ADGRL3: variants seen among roughly 807,000 people sequenced by gnomAD.
ADGRL3 encodes the protein calcium-independent alpha-latrotoxin receptor 3.
In ADGRL3, 62 loss-of-function variants were observed where a neutral mutation model predicts 153.5. That is an observed-to-expected ratio of 0.40 (90% CI 0.33 to 0.50). The LOEUF is 0.50. Ranked by LOEUF, ADGRL3 falls within the 20% of genes least tolerant of loss-of-function variation. The probability of loss-of-function intolerance (pLI) is 0.47; values close to 1 mark genes in which losing one functional copy is unlikely to be tolerated. For synonymous variants in ADGRL3, 710 were observed against 672.5 expected (o/e 1.06, Z -0.86); for missense variants, 1,641 against 1,859.4 (o/e 0.88, Z 2.16).
chr4:62,013,994 G>A (rs1386262936), intron 21 of ADGRL3, among the ~76,000 whole-genome samples: 1 of 151,870 alleles, frequency 6.6e-6, no homozygotes, highest in Non-Finnish European at 1.5e-5. Flanking sequence ...AGAGGAGAGG[G>A]GATATAAGAA....
chr4:61,697,871 T>C (rs932566018), intron 6 of ADGRL3, among the ~76,000 whole-genome samples: 4 of 152,182 alleles, frequency 2.6e-5, no homozygotes, highest in African/African-American at 9.6e-5. Flanking sequence ...ATTTATCACT[T>C]AACCAGAAAA....
At chr4:61,826,635 A>G (rs1018132276) in intron 9 of ADGRL3, among the ~76,000 whole-genome samples, 3 of 152,136 alleles carry the variant, frequency 2.0e-5, no homozygotes, top group Non-Finnish European at 4.4e-5. Flanking sequence ...AATAACTCTG[A>G]AGGGTTTTTA....
chr4:61,295,365 T>C (rs2094373688), intron 1 of ADGRL3, among the ~76,000 whole-genome samples: 1 of 152,156 alleles, frequency 6.6e-6, no homozygotes, highest in Non-Finnish European at 1.5e-5. Context: ...TTTACCTTTA[T>C]CATAGGTATA....
chr4:61,929,220 C>A (rs1009617960), intron 13 of ADGRL3, among the ~76,000 whole-genome samples: 3 of 152,114 alleles, frequency 2.0e-5, no homozygotes, highest in Non-Finnish European at 1.5e-5. Flanking sequence ...AAAGGAGGCC[C>A]GAGATAATTT....
intron 2 of ADGRL3, among the ~76,000 whole-genome samples, chr4:61,444,640 AT>A (rs112724191): frequency 1.3e-5 from 2 of 151,550 alleles, no homozygotes; most frequent in Admixed American, 6.6e-5. Context: ...TGACTCCAGG[AT>A]TTTTTTTTAT....
At chr4:61,432,650 CTTTCTTT>C (rs2097384035) in intron 2 of ADGRL3, among the ~76,000 whole-genome samples, 1 of 38,872 alleles carries the variant, frequency 2.6e-5, no homozygotes, top group Non-Finnish European at 4.7e-5. Flanking sequence ...TTCTTTCTTT[CTTTCTTT>C]TTTTTTTTTT....
chr4:61,295,831 AGGGTGGT>A (rs1302758229), intron 1 of ADGRL3, among the ~76,000 whole-genome samples: 4 of 151,622 alleles, frequency 2.6e-5, no homozygotes, highest in African/African-American at 4.8e-5. Context: ...AAAAAGTCCA[AGGGTGGT>A]GGCATGTGCC....
chr4:62,044,998 A>G (rs1215304250), intron 25 of ADGRL3, among the ~76,000 whole-genome samples: 1 of 152,110 alleles, frequency 6.6e-6, no homozygotes, highest in African/African-American at 2.4e-5. Context: ...ATCACGTCTT[A>G]ATATCTAAAA....
At chr4:61,871,868 C>T (rs751877853) in intron 9 of ADGRL3, among the ~76,000 whole-genome samples, 1 of 152,144 alleles carries the variant, frequency 6.6e-6, no homozygotes, top group Non-Finnish European at 1.5e-5. Context: ...ATGATCTTCC[C>T]TGTTTATCTG....
At chr4:61,490,470 A>G (rs1356358587) in intron 2 of ADGRL3, among the ~76,000 whole-genome samples, 3 of 152,142 alleles carry the variant, frequency 2.0e-5, no homozygotes, top group African/African-American at 7.2e-5. Flanking sequence ...CTTGTAATAA[A>G]TTAACAAAGA....
intron 8 of ADGRL3, among the ~76,000 whole-genome samples, chr4:61,760,147 C>A (rs1376369107): frequency 1.3e-5 from 2 of 152,204 alleles, no homozygotes; most frequent in East Asian, 3.9e-4. Context: ...CTCAGATCTC[C>A]AGCTGCATGC....
chr4:61,584,395 C>T (rs1018512878), intron 4 of ADGRL3, among the ~76,000 whole-genome samples: 8 of 151,980 alleles, frequency 5.3e-5, no homozygotes, highest in Non-Finnish European at 8.8e-5. Flanking sequence ...TGGACCCCGA[C>T]ATTTTAACTG....
intron 4 of ADGRL3, among the ~76,000 whole-genome samples, chr4:61,519,863 A>G (rs1340845686): frequency 6.6e-6 from 1 of 152,216 alleles, no homozygotes; most frequent in Non-Finnish European, 1.5e-5. Context: ...AAAAATAAAT[A>G]AAAGAATAAA....
chr4:61,429,209 A>G (rs2097325505), intron 2 of ADGRL3, among the ~76,000 whole-genome samples: 1 of 152,192 alleles, frequency 6.6e-6, no homozygotes, highest in Non-Finnish European at 1.5e-5. Flanking sequence ...AGACAGTGAT[A>G]GGATATTGAA....
intron 11 of ADGRL3, among the ~76,000 whole-genome samples, chr4:61,904,777 C>T (rs12511926): frequency 0.66 from 100,885 of 151,892 alleles, 33,877 homozygotes; most frequent in Non-Finnish European, 0.72. Context: ...TAATGATCAT[C>T]GATAGATGTA....
chr4:61,566,557 A>G lies in ADGRL3; in HGVS notation c.260-20670A>G, dbSNP rs147907034. ...TGCAATTTTAAGATATTTTTAAAAT[A>G]TCAACCTTTTCGTGGTATCTGTGGT... On this transcript the variant is annotated intron_variant, in intron 4 of 26. Transcript: ENST00000683033. 6.3e-3 allele frequency among the ~76,000 whole-genome samples: 959 copies of G among 152,274 alleles called. 14 individuals are homozygous for G. Among genetic ancestry groups the G allele is most frequent in the African/African-American group, 0.022 (910 of 41,556 alleles).
At chr4:61,853,057 A>C in intron 9 of ADGRL3, among the ~76,000 whole-genome samples, 1 of 150,662 alleles carries the variant, frequency 6.6e-6, no homozygotes, top group East Asian at 2.0e-4. Flanking sequence ...TCGCTCTGTC[A>C]CCCAGGCTGG....
intron 8 of ADGRL3, among the ~76,000 whole-genome samples, chr4:61,790,154 CTTT>C (rs1241206850): frequency 1.3e-5 from 2 of 152,060 alleles, no homozygotes; most frequent in Non-Finnish European, 2.9e-5. Context: ...GTTGGGGTTT[CTTT>C]TTTACCTGCC....
At chr4:61,773,519 G>T (rs1161414742) in intron 8 of ADGRL3, among the ~76,000 whole-genome samples, 2 of 152,074 alleles carry the variant, frequency 1.3e-5, no homozygotes, top group Non-Finnish European at 2.9e-5. Flanking sequence ...TTTCCGAAAA[G>T]TAAAATTTTA....
Sources: gnomAD v4.1 joint callset for allele counts (sites outside exome capture counted in the v4.1 genomes callset) on GRCh38, gnomAD v4.1.1 for gene constraint, MANE v1.5 for transcripts, NCBI Gene and HGNC (gene_info 2026-07-23, HGNC 2026-07-21) for gene names.